LAMA2: variants seen among roughly 807,000 people sequenced by gnomAD.
LAMA2 encodes the protein laminin subunit alpha 2.
Under a neutral mutation model 364.8 loss-of-function variants are expected in LAMA2, and 269 were observed. That is an observed-to-expected ratio of 0.74 (90% CI 0.67 to 0.82). The LOEUF is 0.82. Among genes scored for constraint, LAMA2 ranks in the 40% least tolerant of loss-of-function variants. The pLI is 0.00. For missense variants in LAMA2, 3,807 were observed against 3,873.2 expected, an observed-to-expected ratio of 0.98 and a Z score of 0.45; for synonymous variants, 1,379 against 1,370.6, an observed-to-expected ratio of 1.01 and a Z score of -0.14.
At chr6:129,133,043 C>A (rs2114939445) in intron 4 of LAMA2, among the ~76,000 whole-genome samples, 1 of 152,220 alleles carries the variant, frequency 6.6e-6, no homozygotes, top group East Asian at 1.9e-4. Flanking sequence ...CACAAAGTAT[C>A]AGGCACATGG....
intron 1 of LAMA2, among the ~76,000 whole-genome samples, chr6:129,036,839 T>C (rs918102329): frequency 6.6e-6 from 1 of 152,200 alleles, no homozygotes; most frequent in African/African-American, 2.4e-5. Flanking sequence ...TCCCCCCAGC[T>C]CTTAGGCATT....
At chr6:129,341,412 T>C (rs978894769) in intron 29 of LAMA2, among the ~76,000 whole-genome samples, 4 of 152,234 alleles carry the variant, frequency 2.6e-5, no homozygotes, top group Non-Finnish European at 5.9e-5. Context: ...TCCTGTCTTA[T>C]AAAATCCAGC....
intron 61 of LAMA2, 75 bp from the exon 62 acceptor site, chr6:129,507,414 C>T (rs1433653510): frequency 6.8e-7 from 1 of 1,477,630 alleles, no homozygotes; most frequent in Non-Finnish European, 9.5e-7. Context: ...GAGCACCCTG[C>T]AAATGACTGT....
chr6:129,449,927 T>G (rs963331790), intron 45 of LAMA2, among the ~76,000 whole-genome samples: 3 of 151,182 alleles, frequency 2.0e-5, no homozygotes, highest in Non-Finnish European at 4.4e-5. Flanking sequence ...CTCAGCCTCC[T>G]GAGTAGCTGG....
chr6:128,957,408 A>C (rs1781218282), intron 1 of LAMA2, among the ~76,000 whole-genome samples: 1 of 152,138 alleles, frequency 6.6e-6, no homozygotes, highest in South Asian at 2.1e-4. Flanking sequence ...CATTTACATC[A>C]TTCTATCAAT....
At chr6:129,257,570 A>C (rs867602296) in intron 14 of LAMA2, among the ~76,000 whole-genome samples, 12 of 152,242 alleles carry the variant, frequency 7.9e-5, no homozygotes, top group Middle Eastern at 3.4e-3. Context: ...ATTTTATATG[A>C]GAAATTCTTG....
At chr6:129,142,003 A>T (rs1778147983) in intron 4 of LAMA2, among the ~76,000 whole-genome samples, 1 of 152,074 alleles carries the variant, frequency 6.6e-6, no homozygotes, top group Non-Finnish European at 1.5e-5. Flanking sequence ...GAATACAAAA[A>T]TAGTGTAAGT....
Position 129,516,270 on chromosome 6 carries a change from G to A in LAMA2, c.9292G>A (p.Gly3098Ser). 1 of 1,614,134 alleles carries A rather than the reference G, an allele frequency of 6.2e-7. No homozygotes were observed. The highest frequency in any genetic ancestry group is 8.5e-7 in the Non-Finnish European group (1 of 1,180,016). The change falls in exon 65 of 65, where the codon GGC (glycine) becomes AGC (serine). Residue 3098 changes from glycine to serine, a missense_variant. Gly to Ser is a moderately conservative substitution (Grantham distance 56). This residue lies in a region of LAMA2 where 3,333 missense variants were observed against 3,345.7 expected (regional missense o/e 1.00). Transcript: ENST00000421865. ...ATCCCTGAAGCTCACCAAAGGCACA[G>A]GCAAGCCACTGGAGGTTAATTTTGC... Reference protein sequence around the residue: ...IRSLKLTKGTGKPLEVNFAKA... With the variant: ...IRSLKLTKGTSKPLEVNFAKA...
At chr6:129,202,021 CT>C (rs1369865545) in intron 12 of LAMA2, among the ~76,000 whole-genome samples, 2 of 151,786 alleles carry the variant, frequency 1.3e-5, no homozygotes, top group African/African-American at 4.8e-5. Flanking sequence ...AACCCCATCT[CT>C]ACTAAAAATA....
At chr6:129,431,303 G>T (rs1358308851) in intron 41 of LAMA2, among the ~76,000 whole-genome samples, 1 of 151,592 alleles carries the variant, frequency 6.6e-6, no homozygotes, top group Admixed American at 6.6e-5. Flanking sequence ...GGAGGCTGAG[G>T]TAGGAGAATT....
chr6:128,902,560 T>C (rs998438308), intron 1 of LAMA2, among the ~76,000 whole-genome samples: 4 of 152,140 alleles, frequency 2.6e-5, no homozygotes, highest in African/African-American at 9.7e-5. Flanking sequence ...CAAAAGTAAT[T>C]GGACAAAGGT....
chr6:128,888,142 G>C (rs1776248684), intron 1 of LAMA2, among the ~76,000 whole-genome samples: 1 of 152,150 alleles, frequency 6.6e-6, no homozygotes, highest in Admixed American at 6.5e-5. Context: ...GAGAAAACAA[G>C]ACAGAGTTTA....
At chr6:129,227,579 T>G (rs1233038059) in intron 12 of LAMA2, among the ~76,000 whole-genome samples, 1 of 152,194 alleles carries the variant, frequency 6.6e-6, no homozygotes, top group Non-Finnish European at 1.5e-5. Flanking sequence ...CTGTTGGAGT[T>G]TGCTGGAGGT....
chr6:129,183,972 T>C (rs975045275), intron 10 of LAMA2, among the ~76,000 whole-genome samples: 5 of 151,956 alleles, frequency 3.3e-5, no homozygotes, highest in Non-Finnish European at 5.9e-5. Context: ...GATTCTGTTT[T>C]ATAATCTATG....
chr6:129,206,088 G>C (rs1554244385), intron 12 of LAMA2, among the ~76,000 whole-genome samples: 1 of 111,360 alleles, frequency 9.0e-6, no homozygotes, highest in East Asian at 2.4e-4. Context: ...AAAGGAGGAA[G>C]GAAGGGAGGG....
intron 19 of LAMA2, among the ~76,000 whole-genome samples, chr6:129,290,680 TTA>T (rs1048182658): frequency 2.0e-5 from 3 of 152,160 alleles, no homozygotes; most frequent in African/African-American, 7.2e-5. Context: ...ATAAATGCAA[TTA>T]TATGTACCAT....
chr6:129,465,375 C>T, intron 51 of LAMA2, 86 bp downstream of exon 51: 1 of 1,192,406 alleles, frequency 8.4e-7, no homozygotes, highest in Non-Finnish European at 1.2e-6. Flanking sequence ...AAGGCTCCGT[C>T]TATAATTTTA....
Position 129,353,282 on chromosome 6 carries a change from T to C in LAMA2, c.4642T>C (p.Cys1548Arg), listed in dbSNP as rs1776960191. Residue 1548 changes from cysteine (C) to arginine (R), a missense_variant, in exon 32 of 65, where the codon TGC becomes CGC. By Grantham distance (180) the Cys-to-Arg change is radical. Around this residue, in one of 3 missense-constraint regions of LAMA2, gnomAD observed 3,333 missense variants for 3,345.7 expected, o/e 1.00. Coordinates refer to ENST00000421865, the MANE Select transcript of LAMA2 (RefSeq NM_000426.4). ...TGACCCTGTCACAGGATTCTGCACGTGCCGACCTGGAGCCACGGGAAGGAA... is the reference window on the plus strand; with the variant it reads ...TGACCCTGTCACAGGATTCTGCACGCGCCGACCTGGAGCCACGGGAAGGAA... ...PCDPVTGFCT[C>R]RPGATGRKCD... 6.2e-6 allele frequency: 10 copies of C among 1,614,134 alleles called. No homozygotes were observed. The highest frequency in any genetic ancestry group is 8.5e-6 in the Non-Finnish European group (10 of 1,179,998).
At chr6:129,266,240 T>G (rs1787502767) in intron 15 of LAMA2, among the ~76,000 whole-genome samples, 1 of 152,128 alleles carries the variant, frequency 6.6e-6, no homozygotes, top group Non-Finnish European at 1.5e-5. Flanking sequence ...CTCATGCTTA[T>G]TTTGCATCTC....
Sources: allele counts gnomAD v4.1 joint callset (sites outside exome capture counted in the v4.1 genomes callset), GRCh38; gene constraint gnomAD v4.1.1; regional missense constraint gnomAD v4.1.1; transcripts MANE v1.5; gene names NCBI Gene and HGNC (gene_info 2026-07-23, HGNC 2026-07-21).